Variants in PCM1 observed in about 807,000 individuals in gnomAD.
PCM1 encodes pericentriolar material 1, also known as pericentriolar material 1 protein.
Under a neutral mutation model 241.9 loss-of-function variants are expected in PCM1, and 157 were observed. That is an observed-to-expected ratio of 0.65 (90% CI 0.57 to 0.74). The LOEUF is 0.74. PCM1 is among the 30% of genes least tolerant of loss of function. The probability of loss-of-function intolerance (pLI) is 0.00; values close to 1 mark genes in which losing one functional copy is unlikely to be tolerated. For missense variants in PCM1, 3,478 were observed against 2,360.1 expected (o/e 1.47, Z -9.81); for synonymous variants, 1,085 against 784.9 (o/e 1.38, Z -6.39).
chr8:17,951,539 G>C (rs2066009382), intron 8 of PCM1, among the ~76,000 whole-genome samples: 1 of 152,160 alleles, frequency 6.6e-6, no homozygotes, highest in Non-Finnish European at 1.5e-5. Flanking sequence ...ATGGGCTAAT[G>C]AATTCTTACA....
intron 21 of PCM1, among the ~76,000 whole-genome samples, chr8:17,968,929 T>G (rs1027613834): frequency 3.3e-5 from 5 of 152,092 alleles, no homozygotes; most frequent in African/African-American, 1.2e-4. Flanking sequence ...TGCTCTTCCT[T>G]TTTACTAAAA....
At chr8:17,931,290 T>TA (rs1456164714) in intron 2 of PCM1, among the ~76,000 whole-genome samples, 1 of 152,098 alleles carries the variant, frequency 6.6e-6, no homozygotes, top group African/African-American at 2.4e-5. Flanking sequence ...TTTCTCCAGA[T>TA]ATATTCTTTT....
chr8:18,026,388 G>T (rs933742057), intron 38 of PCM1, among the ~76,000 whole-genome samples: 64 of 148,928 alleles, frequency 4.3e-4, no homozygotes, highest in Admixed American at 3.6e-3. Flanking sequence ...CTCCCAAGTA[G>T]CTGGGACTAC....
intron 29 of PCM1, among the ~76,000 whole-genome samples, chr8:17,995,101 C>G (rs2086193290): frequency 6.6e-6 from 1 of 151,318 alleles, no homozygotes; most frequent in Non-Finnish European, 1.5e-5. Flanking sequence ...AATTTTTGCC[C>G]AGACCAATGT....
intron 6 of PCM1, among the ~76,000 whole-genome samples, chr8:17,943,757 A>AT (rs980344537): frequency 2.0e-5 from 3 of 151,784 alleles, no homozygotes; most frequent in Non-Finnish European, 2.9e-5. Context: ...ACCTGTGTTT[A>AT]TTTTTTTCTC....
At chr8:17,984,314 G>A (rs905923846) in intron 24 of PCM1, among the ~76,000 whole-genome samples, 5 of 151,758 alleles carry the variant, frequency 3.3e-5, no homozygotes, top group African/African-American at 7.2e-5. Flanking sequence ...CTTTTTACCT[G>A]GATTTTTCCC....
Position 18,009,655 on chromosome 8 carries a change from C to T in PCM1, c.5071C>T (p.Gln1691Ter). The T allele has an allele frequency of 6.3e-7, 1 of 1,581,840 alleles. No individual in the cohort carries two copies. The highest frequency in any genetic ancestry group is 8.6e-7 in the Non-Finnish European group (1 of 1,164,118). The change falls in exon 31 of 39, where the codon CAA becomes TAA. Residue 1691 changes from glutamine to a stop codon, truncating the protein, a stop_gained. Coordinates refer to ENST00000325083, the MANE Select transcript of PCM1 (RefSeq NM_006197.4). LOFTEE classifies it high-confidence loss of function. The part of the protein sequence containing the change: ...FNELAFFKLM[Q>*]DLDNNSITVK... ...TGAATTGGCTTTCTTTAAGCTTATG[C>T]AAGATTTGGATAATAATAGTATAAC... is the stretch of plus-strand genomic sequence containing the variant.
intron 6 of PCM1, among the ~76,000 whole-genome samples, chr8:17,944,428 C>G (rs930493632): frequency 6.6e-6 from 1 of 151,966 alleles, no homozygotes; most frequent in African/African-American, 2.4e-5. Context: ...ACATTAGGAT[C>G]CATTAATAAT....
intron 36 of PCM1, chr8:18,025,092 G>T (rs1020495301): frequency 6.7e-5 from 20 of 296,920 alleles, no homozygotes; most frequent in Non-Finnish European, 1.1e-4. Context: ...TTTAGTCCTG[G>T]TTGTAACTAT....
At chr8:17,956,063 C>G (rs961549609) in intron 10 of PCM1, 6 of 218,314 alleles carry the variant, frequency 2.7e-5, no homozygotes, top group Non-Finnish European at 4.6e-5. Flanking sequence ...TGATAATATA[C>G]CTGTTGATAA....
At chr8:17,932,310 T>G (rs1245524293) in intron 2 of PCM1, among the ~76,000 whole-genome samples, 2 of 152,162 alleles carry the variant, frequency 1.3e-5, no homozygotes, top group Non-Finnish European at 2.9e-5. Context: ...GAGGTAGAAT[T>G]ACTGCGTCAA....
At chr8:18,025,713 C>T in intron 38 of PCM1, 55 bp downstream of exon 38, 1 of 994,972 alleles carries the variant, frequency 1.0e-6, no homozygotes, top group South Asian at 1.5e-5. Flanking sequence ...AATCTTCATA[C>T]TACTATTGTG....
chr8:17,947,982 C>T (rs2064456727), intron 7 of PCM1, among the ~76,000 whole-genome samples: 1 of 152,130 alleles, frequency 6.6e-6, no homozygotes, highest in Non-Finnish European at 1.5e-5. Flanking sequence ...TAATTTTGTA[C>T]GTTTATCATC....
intron 24 of PCM1, 107 bp from the exon 25 acceptor site, chr8:17,985,340 A>G (rs992952886): frequency 2.6e-5 from 18 of 679,474 alleles, no homozygotes; most frequent in African/African-American, 2.6e-4. Flanking sequence ...ATTGTCTAAA[A>G]TAGAATTTTT....
intron 2 of PCM1, among the ~76,000 whole-genome samples, chr8:17,928,630 T>A (rs2057940900): frequency 6.8e-6 from 1 of 146,530 alleles, no homozygotes; most frequent in African/African-American, 2.5e-5. Context: ...TTTTTTTTTT[T>A]TTTTTTTTTT....
chr8:17,929,917 C>G (rs973770938), intron 2 of PCM1, among the ~76,000 whole-genome samples: 5 of 152,228 alleles, frequency 3.3e-5, no homozygotes, highest in Middle Eastern at 3.4e-3. Context: ...CTCTGTCGCT[C>G]AAAATAACGT....
At chr8:17,941,636 A>C (rs540467207) in intron 6 of PCM1, among the ~76,000 whole-genome samples, 1 of 152,024 alleles carries the variant, frequency 6.6e-6, no homozygotes, top group African/African-American at 2.4e-5. Context: ...ATGCTACACT[A>C]TTTAATAAAG....
chr8:17,941,099 G>A (rs575127505), intron 6 of PCM1, among the ~76,000 whole-genome samples: 1 of 152,120 alleles, frequency 6.6e-6, no homozygotes, highest in African/African-American at 2.4e-5. Context: ...TTTTCAACAG[G>A]AGATACTTAG....
chr8:18,002,035 TGTGGAGAGATCTGTTAAATTTTTTTTTTC>T (rs2089698313), intron 29 of PCM1, among the ~76,000 whole-genome samples: 5 of 63,928 alleles, frequency 7.8e-5, no homozygotes, highest in Admixed American at 1.5e-4. Context: ...TTTTTTTTTT[TGTGGAGAGATCTGTTAAATTTTTTTTTTC>T]TTTTTTTTTT....
Sources: allele counts gnomAD v4.1 joint callset (sites outside exome capture counted in the v4.1 genomes callset), GRCh38; gene constraint gnomAD v4.1.1; transcripts MANE v1.5; gene names NCBI Gene and HGNC (gene_info 2026-07-23, HGNC 2026-07-21).